Variants in ANKRD44 observed in about 807,000 individuals in gnomAD.
ANKRD44 encodes serine/threonine-protein phosphatase 6 regulatory ankyrin repeat subunit B.
Under a neutral mutation model 116.0 loss-of-function variants are expected in ANKRD44, and 35 were observed. That is an observed-to-expected ratio of 0.30 (90% CI 0.23 to 0.40). The LOEUF (loss-of-function observed/expected upper bound fraction) is 0.40. ANKRD44 is among the 10% of genes least tolerant of loss of function. The pLI, the probability that ANKRD44 is intolerant of heterozygous loss-of-function variation, is 1.00. For synonymous variants in ANKRD44, 435 were observed against 461.8 expected, an observed-to-expected ratio of 0.94 and a Z score of 0.74; for missense variants, 1,014 against 1,242.6, an observed-to-expected ratio of 0.82 and a Z score of 2.77.
chr2:197,246,307 C>T (rs985450827), intron 1 of ANKRD44, among the ~76,000 whole-genome samples: 23 of 143,398 alleles, frequency 1.6e-4, no homozygotes, highest in Admixed American at 6.4e-4. Context: ...CCGTCTCAGC[C>T]TCCCATGTAG....
In ANKRD44 at chr2:196,989,124, GT is replaced by G. The variant is rs1353818233; in HGVS notation, c.*466del. ...GCTTTTGGCTAGCCCAGGGTCAAGT[GT>G]TTTTTTTTTCACTTTTTTTTTGTTA... On this transcript the variant is annotated 3_prime_UTR_variant, in exon 28 of 28. Transcript: ENST00000282272. 3.4e-4 allele frequency: 307 copies of G among 902,212 alleles called. No individual in the cohort carries two copies. Among genetic ancestry groups the G allele is most frequent in the African/African-American group, 5.5e-4 (30 of 54,190 alleles). 55.9% of individuals were successfully genotyped at this position (902,212 alleles called of 1,614,324 possible).
At chr2:197,272,602 T>C (rs1285795761) in intron 1 of ANKRD44, among the ~76,000 whole-genome samples, 1 of 152,202 alleles carries the variant, frequency 6.6e-6, no homozygotes, top group Non-Finnish European at 1.5e-5. Context: ...ACTAATACAA[T>C]GGGGTAAGCC....
At chr2:197,046,355 T>C (rs1378678427) in intron 16 of ANKRD44, among the ~76,000 whole-genome samples, 1 of 152,206 alleles carries the variant, frequency 6.6e-6, no homozygotes, top group South Asian at 2.1e-4. Flanking sequence ...GTAATTTAAA[T>C]CAAATATTAA....
At chr2:197,256,913 C>T (rs1456142594) in intron 1 of ANKRD44, among the ~76,000 whole-genome samples, 25 of 152,022 alleles carry the variant, frequency 1.6e-4, no homozygotes. Flanking sequence ...AGATCAAAGA[C>T]CAAGTCTATA....
At chr2:196,970,785 T>A (rs1420803501) in intron 21 of ANKRD44, among the ~76,000 whole-genome samples, 1 of 152,214 alleles carries the variant, frequency 6.6e-6, no homozygotes, top group Non-Finnish European at 1.5e-5. Flanking sequence ...CACTGCAGCC[T>A]CTACCTCCTG....
At chr2:197,058,466 G>C (rs2077245947) in intron 16 of ANKRD44, among the ~76,000 whole-genome samples, 1 of 149,838 alleles carries the variant, frequency 6.7e-6, no homozygotes, top group Non-Finnish European at 1.5e-5. Flanking sequence ...TTTTTAAATA[G>C]AGAAGGGACG....
intron 16 of ANKRD44, among the ~76,000 whole-genome samples, chr2:197,061,711 A>G (rs771941959): frequency 6.6e-6 from 1 of 152,016 alleles, no homozygotes; most frequent in Non-Finnish European, 1.5e-5. Context: ...GTGGGTGATA[A>G]GTCAATATTA....
At chr2:196,990,588 A>T (rs368850924) in intron 27 of ANKRD44, 13 of 1,230,780 alleles carry the variant, frequency 1.1e-5, no homozygotes, top group Non-Finnish European at 1.1e-5. Flanking sequence ...CCAGGCCCCA[A>T]ATAATACTTG....
intron 3 of ANKRD44, among the ~76,000 whole-genome samples, chr2:197,142,937 C>T (rs1009571062): frequency 6.7e-6 from 1 of 148,606 alleles, no homozygotes; most frequent in African/African-American, 2.5e-5. Flanking sequence ...GCCAGAAGTT[C>T]GAGACCAGCC....
chr2:197,305,583 G>C (rs2084044062), intron 1 of ANKRD44, among the ~76,000 whole-genome samples: 1 of 151,510 alleles, frequency 6.6e-6, no homozygotes, highest in African/African-American at 2.4e-5. Context: ...CAGCAAAAGA[G>C]GAAGTAAAAA....
intron 8 of ANKRD44, among the ~76,000 whole-genome samples, chr2:197,118,633 GAGAGAGAA>G (rs1163833816): frequency 0.024 from 1,165 of 48,770 alleles, 22 homozygotes; most frequent in African/African-American, 0.059. Flanking sequence ...GAGAGAGAGA[GAGAGAGAA>G]AGAAAGAAAG....
intron 8 of ANKRD44, among the ~76,000 whole-genome samples, chr2:197,115,640 T>C (rs772935729): frequency 3.9e-5 from 6 of 152,218 alleles, no homozygotes; most frequent in Non-Finnish European, 7.3e-5. Context: ...GGATAGGTAA[T>C]GGCTGCATTT....
chr2:197,060,527 C>T (rs2077288651), intron 16 of ANKRD44, among the ~76,000 whole-genome samples: 1 of 152,180 alleles, frequency 6.6e-6, no homozygotes, highest in African/African-American at 2.4e-5. Flanking sequence ...CAGATAGTTA[C>T]CTTGTGTGTG....
intron 1 of ANKRD44, among the ~76,000 whole-genome samples, chr2:197,309,256 T>C (rs1212937810): frequency 6.6e-6 from 1 of 152,172 alleles, no homozygotes; most frequent in Non-Finnish European, 1.5e-5. Flanking sequence ...AATCCTGATA[T>C]CAACTTACAC....
Position 196,995,413 on chromosome 2 carries a change from TCTC to T in ANKRD44, c.2794_2796del (p.Glu932del). On this transcript the variant is annotated inframe_deletion, in exon 26 of 28. Coordinates refer to ENST00000282272, the MANE Select transcript of ANKRD44 (RefSeq NM_001195144.2). ...GCATTATTTTTTTCATTAATAAGGC[TCTC>T]GTCTTGTATCTTGTCAAGTATTAAC... 6.2e-7 allele frequency: 1 copy of T among 1,612,638 alleles called. No homozygotes were observed. Among genetic ancestry groups the T allele is most frequent in the Non-Finnish European group, 8.5e-7 (1 of 1,179,356 alleles).
chr2:197,085,070 T>C (rs1171404657), intron 13 of ANKRD44, among the ~76,000 whole-genome samples: 1 of 152,236 alleles, frequency 6.6e-6, no homozygotes, highest in Admixed American at 6.5e-5. Flanking sequence ...TCTCGATTGT[T>C]CAGCAGTTTT....
At chr2:197,121,652 C>A in intron 7 of ANKRD44, 108 bp from the exon 8 acceptor site, 1 of 924,140 alleles carries the variant, frequency 1.1e-6, no homozygotes, top group Non-Finnish European at 1.7e-6. Flanking sequence ...AGCCATCCGC[C>A]AATATAATTG....
At chr2:197,192,687 C>G (rs1327191158) in intron 1 of ANKRD44, among the ~76,000 whole-genome samples, 4 of 152,200 alleles carry the variant, frequency 2.6e-5, no homozygotes, top group Admixed American at 6.5e-5. Context: ...ATTTAATGAA[C>G]AAAACCTGCT....
At chr2:197,079,347 A>C (rs2077743236) in intron 15 of ANKRD44, among the ~76,000 whole-genome samples, 1 of 152,260 alleles carries the variant, frequency 6.6e-6, no homozygotes, top group Non-Finnish European at 1.5e-5. Context: ...AGCATTTTTA[A>C]AGAATGAAGA....
Sources: gnomAD v4.1 joint callset for allele counts (sites outside exome capture counted in the v4.1 genomes callset) on GRCh38, gnomAD v4.1.1 for gene constraint, MANE v1.5 for transcripts, NCBI Gene and HGNC (gene_info 2026-07-23, HGNC 2026-07-21) for gene names.